The following RSRC1 variants were observed in gnomAD, a reference collection of about 807,000 sequenced individuals.
RSRC1 encodes arginine and serine rich coiled-coil 1, also known as serine/Arginine-related protein 53.
A neutral mutation model predicts 49.1 loss-of-function variants in RSRC1; 39 were observed. The observed-to-expected ratio is 0.79, with a 90% CI of 0.61 to 1.04. The LOEUF (loss-of-function observed/expected upper bound fraction) is 1.04. Ranked by LOEUF, RSRC1 falls within the 50% of genes least tolerant of loss-of-function variation. RSRC1 has a pLI of 0.00. For synonymous variants in RSRC1, 143 were observed against 130.8 expected (o/e 1.09, Z -0.63); for missense variants, 388 against 402.4 (o/e 0.96, Z 0.31).
In RSRC1 at chr3:158,229,123, C is replaced by T. The variant is rs535276808; in HGVS notation, c.494+25878C>T. 1.5e-4 allele frequency among the ~76,000 whole-genome samples: 22 copies of T among 150,110 alleles called. 8 individuals carry two copies. In the East Asian group the frequency reaches 4.0e-3, roughly 27 times the overall value. On this transcript the variant is annotated intron_variant, in intron 4 of 9. Transcript: ENST00000611884. ...ACGTGTATATGTGTATATAAACATA[C>T]GTGTATATGTGTATATAAACATACA...
At chr3:158,421,630 T>C (rs919864175) in intron 6 of RSRC1, among the ~76,000 whole-genome samples, 1 of 151,698 alleles carries the variant, frequency 6.6e-6, no homozygotes, top group African/African-American at 2.4e-5. Context: ...ACAGAAAAAA[T>C]GGGCACCCAG....
chr3:158,240,093 T>G (rs1362340325), intron 4 of RSRC1, among the ~76,000 whole-genome samples: 1 of 152,170 alleles, frequency 6.6e-6, no homozygotes, highest in Non-Finnish European at 1.5e-5. Context: ...ATTTATGAGT[T>G]TTAAAATATC....
chr3:158,278,041 G>A (rs911439827), intron 4 of RSRC1, among the ~76,000 whole-genome samples: 2 of 152,152 alleles, frequency 1.3e-5, no homozygotes, highest in African/African-American at 4.8e-5. Context: ...AAAAATTTCA[G>A]TATTGATCCC....
At chr3:158,490,730 G>T (rs1199511816) in intron 7 of RSRC1, among the ~76,000 whole-genome samples, 1 of 152,168 alleles carries the variant, frequency 6.6e-6, no homozygotes, top group Non-Finnish European at 1.5e-5. Context: ...TAGGTGAATG[G>T]AGAGAAATTT....
At chr3:158,451,545 A>C (rs1180628976) in intron 6 of RSRC1, among the ~76,000 whole-genome samples, 5 of 152,030 alleles carry the variant, frequency 3.3e-5, no homozygotes, top group East Asian at 1.9e-4. Flanking sequence ...TTTGCTCTCT[A>C]TGTTAAATTA....
intron 5 of RSRC1, among the ~76,000 whole-genome samples, chr3:158,306,560 TATG>T: frequency 6.6e-6 from 1 of 152,116 alleles, no homozygotes; most frequent in Non-Finnish European, 1.5e-5. Context: ...AGAATAGGCT[TATG>T]ATAAATTTAT....
chr3:158,410,286 T>C (rs769070493), intron 6 of RSRC1, among the ~76,000 whole-genome samples: 19 of 152,112 alleles, frequency 1.2e-4, no homozygotes, highest in Non-Finnish European at 2.1e-4. Context: ...GTTCCTTGGT[T>C]TGTACCTGTT....
chr3:158,535,576 G>A (rs1712671041), intron 7 of RSRC1, among the ~76,000 whole-genome samples: 1 of 151,236 alleles, frequency 6.6e-6, no homozygotes, highest in South Asian at 2.1e-4. Flanking sequence ...ATTATAAAGA[G>A]CCTGGATTCT....
chr3:158,440,239 G>A (rs905939861), intron 6 of RSRC1, among the ~76,000 whole-genome samples: 11 of 151,844 alleles, frequency 7.2e-5, no homozygotes, highest in Non-Finnish European at 1.2e-4. Flanking sequence ...TGGCAGACTG[G>A]GAAAAATGAG....
chr3:158,443,377 C>A (rs147575813), intron 6 of RSRC1, among the ~76,000 whole-genome samples: 1 of 152,072 alleles, frequency 6.6e-6, no homozygotes, highest in African/African-American at 2.4e-5. Context: ...CTTGCAGCAG[C>A]CTTTCCATCA....
At chr3:158,543,693 C>T in intron 9 of RSRC1, 1 of 459,738 alleles carries the variant, frequency 2.2e-6, no homozygotes, top group Non-Finnish European at 3.8e-6. Flanking sequence ...GTTGCCTAAC[C>T]TGTAGAAGTA....
chr3:158,333,894 A>T (rs905338228), intron 5 of RSRC1, among the ~76,000 whole-genome samples: 1 of 152,208 alleles, frequency 6.6e-6, no homozygotes, highest in South Asian at 2.1e-4. Context: ...GAAAAGTAGA[A>T]GTTGAAAGAA....
intron 3 of RSRC1, among the ~76,000 whole-genome samples, chr3:158,195,685 G>A (rs1434914612): frequency 1.3e-5 from 2 of 152,180 alleles, no homozygotes; most frequent in Middle Eastern, 3.2e-3. Context: ...TAAGGTGTAA[G>A]GAAGGGATCC....
At chr3:158,380,658 T>C (rs1732652514) in intron 6 of RSRC1, among the ~76,000 whole-genome samples, 1 of 152,112 alleles carries the variant, frequency 6.6e-6, no homozygotes, top group Non-Finnish European at 1.5e-5. Context: ...GTTTGGTATT[T>C]TATAAAAATC....
intron 6 of RSRC1, among the ~76,000 whole-genome samples, chr3:158,379,931 A>C (rs56387731): frequency 0.52 from 78,781 of 151,226 alleles, 20,924 homozygotes; most frequent in African/African-American, 0.61. Context: ...ATCTGTCTCT[A>C]CCCACTAGAA....
At chr3:158,392,373 CTTA>C (rs997563255) in intron 6 of RSRC1, among the ~76,000 whole-genome samples, 1 of 151,998 alleles carries the variant, frequency 6.6e-6, no homozygotes, top group African/African-American at 2.4e-5. Context: ...TACTATTAAA[CTTA>C]TTAAGAGAAT....
chr3:158,481,152 C>G (rs1738597450), intron 7 of RSRC1, among the ~76,000 whole-genome samples: 1 of 151,988 alleles, frequency 6.6e-6, no homozygotes, highest in African/African-American at 2.4e-5. Context: ...TCATGTGACT[C>G]AGCCCCAGAA....
intron 4 of RSRC1, among the ~76,000 whole-genome samples, chr3:158,249,933 AC>A: frequency 6.6e-6 from 1 of 152,016 alleles, no homozygotes; most frequent in Non-Finnish European, 1.5e-5. Flanking sequence ...ATATTTCTGT[AC>A]CCACTAACCA....
chr3:158,232,996 A>G (rs1334172141), intron 4 of RSRC1, among the ~76,000 whole-genome samples: 3 of 149,130 alleles, frequency 2.0e-5, no homozygotes, highest in African/African-American at 7.4e-5. Context: ...TAAAGGAAAC[A>G]ATGTTGATTG....
Sources: gnomAD v4.1 joint callset for allele counts (sites outside exome capture counted in the v4.1 genomes callset) on GRCh38, gnomAD v4.1.1 for gene constraint, MANE v1.5 for transcripts, NCBI Gene and HGNC (gene_info 2026-07-23, HGNC 2026-07-21) for gene names.